The following SLC35F4 variants were observed in gnomAD, a reference collection of about 807,000 sequenced individuals.
The protein encoded by SLC35F4 is solute carrier family 35 member F4.
Under a neutral mutation model 44.2 loss-of-function variants are expected in SLC35F4, and 24 were observed. The observed-to-expected ratio is 0.54, with a 90% confidence interval of 0.39 to 0.76. The LOEUF is 0.76. Ranked by LOEUF, SLC35F4 falls within the 30% of genes least tolerant of loss-of-function variation. The pLI is 0.00. For synonymous variants in SLC35F4, 238 were observed against 223.6 expected (o/e 1.06, Z -0.57); for missense variants, 562 against 586.1 (o/e 0.96, Z 0.42).
chr14:57,712,267 A>C (rs2075834465), intron 1 of SLC35F4, among the ~76,000 whole-genome samples: 2 of 148,866 alleles, frequency 1.3e-5, no homozygotes, highest in African/African-American at 4.9e-5. Context: ...CACAACTGTA[A>C]CATGAGGTGG....
intron 1 of SLC35F4, among the ~76,000 whole-genome samples, chr14:57,683,032 G>C (rs2074956459): frequency 6.6e-6 from 1 of 151,832 alleles, no homozygotes; most frequent in Non-Finnish European, 1.5e-5. Context: ...CATGGTGGGA[G>C]GGACTCTGTT....
At chr14:57,597,574 G>A (rs1482465422) in intron 1 of SLC35F4, among the ~76,000 whole-genome samples, 2 of 152,210 alleles carry the variant, frequency 1.3e-5, no homozygotes, top group African/African-American at 2.4e-5. Flanking sequence ...GTTTGATGCA[G>A]CTGGGGGAGC....
chr14:57,909,379 A>C (rs1045175188), intron 1 of SLC35F4, among the ~76,000 whole-genome samples: 1 of 152,114 alleles, frequency 6.6e-6, no homozygotes, highest in African/African-American at 2.4e-5. Context: ...ATCCCCATTT[A>C]GTATCATACT....
intron 1 of SLC35F4, among the ~76,000 whole-genome samples, chr14:57,657,438 G>A (rs919306160): frequency 2.0e-5 from 3 of 152,112 alleles, no homozygotes; most frequent in Admixed American, 6.6e-5. Context: ...TGTCAGCCCA[G>A]CACATGGCCA....
chr14:57,940,936 T>C (rs1303909154), intron 1 of SLC35F4, among the ~76,000 whole-genome samples: 1 of 152,200 alleles, frequency 6.6e-6, no homozygotes, highest in Non-Finnish European at 1.5e-5. Flanking sequence ...TAAAAATACT[T>C]AGTGTCACGT....
chr14:57,965,199 G>A (rs1890416247), intron 1 of SLC35F4, among the ~76,000 whole-genome samples: 1 of 152,008 alleles, frequency 6.6e-6, no homozygotes, highest in Admixed American at 6.6e-5. Flanking sequence ...TTCCTGTCCG[G>A]AGAAGTTAAG....
intron 1 of SLC35F4, among the ~76,000 whole-genome samples, chr14:57,756,505 A>G (rs563319635): frequency 6.6e-6 from 1 of 152,102 alleles, no homozygotes; most frequent in African/African-American, 2.4e-5. Flanking sequence ...GATATGGTCT[A>G]TCTTGGTAAA....
At chr14:57,630,341 T>C (rs1421347352) in intron 1 of SLC35F4, 4 of 593,316 alleles carry the variant, frequency 6.7e-6, no homozygotes, top group East Asian at 3.0e-5. Context: ...CTAGAAACAG[T>C]AGACCGACTG....
chr14:57,957,492 T>C (rs1043372186), intron 1 of SLC35F4, among the ~76,000 whole-genome samples: 1 of 151,998 alleles, frequency 6.6e-6, no homozygotes, highest in Non-Finnish European at 1.5e-5. Flanking sequence ...ATTCACCTAC[T>C]AGTGAAAATT....
intron 1 of SLC35F4, among the ~76,000 whole-genome samples, chr14:57,641,096 A>G (rs1211872297): frequency 6.6e-6 from 1 of 151,314 alleles, no homozygotes; most frequent in East Asian, 1.9e-4. Flanking sequence ...CAGTTGTTCT[A>G]TAGACAAACA....
intron 1 of SLC35F4, among the ~76,000 whole-genome samples, chr14:57,925,173 C>G (rs926100136): frequency 6.6e-6 from 1 of 151,990 alleles, no homozygotes; most frequent in Non-Finnish European, 1.5e-5. Context: ...TCCCATAGGC[C>G]CCACTTCCAT....
chr14:57,598,368 A>G (rs1332151253), intron 1 of SLC35F4, among the ~76,000 whole-genome samples: 1 of 152,254 alleles, frequency 6.6e-6, no homozygotes, highest in Non-Finnish European at 1.5e-5. Context: ...ACATCGCAAC[A>G]GGCTGCAGCT....
At chr14:57,852,270 G>T (rs1440638109) in intron 1 of SLC35F4, among the ~76,000 whole-genome samples, 1 of 152,124 alleles carries the variant, frequency 6.6e-6, no homozygotes, top group African/African-American at 2.4e-5. Flanking sequence ...GGCCAGACAG[G>T]TCACACCACC....
chr14:57,908,707 C>A (rs567735377), intron 1 of SLC35F4, among the ~76,000 whole-genome samples: 1 of 152,238 alleles, frequency 6.6e-6, no homozygotes, highest in Admixed American at 6.5e-5. Context: ...GGATAGATTG[C>A]AAAAATTTTC....
chr14:57,747,991 C>CT (rs1431018659), intron 1 of SLC35F4, among the ~76,000 whole-genome samples: 1 of 152,166 alleles, frequency 6.6e-6, no homozygotes, highest in African/African-American at 2.4e-5. Context: ...CCCCAGTGTA[C>CT]TTAAACAGTA....
chr14:57,707,119 T>C (rs1460069710), intron 1 of SLC35F4, among the ~76,000 whole-genome samples: 1 of 152,118 alleles, frequency 6.6e-6, no homozygotes, highest in Non-Finnish European at 1.5e-5. Flanking sequence ...ACTGGGGGAA[T>C]GTGGAGAATA....
chr14:57,825,710 C>A (rs1169246107), intron 1 of SLC35F4, among the ~76,000 whole-genome samples: 1 of 152,050 alleles, frequency 6.6e-6, no homozygotes, highest in Non-Finnish European at 1.5e-5. Flanking sequence ...ACAAGTATTC[C>A]TATATACCGA....
At chr14:57,599,631 CAGT>C (rs2070695175) in intron 1 of SLC35F4, among the ~76,000 whole-genome samples, 1 of 151,906 alleles carries the variant, frequency 6.6e-6, no homozygotes, top group South Asian at 2.1e-4. Context: ...CACCTGAGGT[CAGT>C]AGTTCAAGAC....
chr14:57,968,669 C>T (rs1278487256), intron 1 of SLC35F4, among the ~76,000 whole-genome samples: 1 of 152,164 alleles, frequency 6.6e-6, no homozygotes, highest in Non-Finnish European at 1.5e-5. Flanking sequence ...ATCAGAAACT[C>T]TGGGGATAAT....
Sources: allele counts gnomAD v4.1 joint callset (sites outside exome capture counted in the v4.1 genomes callset), GRCh38; gene constraint gnomAD v4.1.1; transcripts MANE v1.5; gene names NCBI Gene and HGNC (gene_info 2026-07-23, HGNC 2026-07-21).